SPRED2: variants seen among roughly 807,000 people sequenced by gnomAD.
SPRED2 encodes the protein sprouty-related, EVH1 domain-containing protein 2.
Under a neutral mutation model 43.0 loss-of-function variants are expected in SPRED2, and 47 were observed. That is an observed-to-expected ratio of 1.09 (90% confidence interval 0.87 to 1.40). The LOEUF is 1.40. SPRED2 is among the 40% of genes most tolerant of loss of function. SPRED2 has a pLI of 0.00. For missense variants in SPRED2, 561 were observed against 586.4 expected (o/e 0.96, Z 0.45); for synonymous variants, 225 against 225.7 (o/e 1.00, Z 0.03).
intron 1 of SPRED2, among the ~76,000 whole-genome samples, chr2:65,373,033 C>T (rs7583316): frequency 0.037 from 5,605 of 152,308 alleles, 384 homozygotes; most frequent in African/African-American, 0.13. Flanking sequence ...GATGCCTATA[C>T]AGCTGTGGAC....
chr2:65,391,941 A>T (rs1675645725), intron 1 of SPRED2, among the ~76,000 whole-genome samples: 2 of 152,166 alleles, frequency 1.3e-5, no homozygotes, highest in Non-Finnish European at 2.9e-5. Flanking sequence ...ATATTTATTT[A>T]GTCAACTATA....
At chr2:65,431,058 G>A (rs1230379914) in intron 1 of SPRED2, among the ~76,000 whole-genome samples, 1 of 152,072 alleles carries the variant, frequency 6.6e-6, no homozygotes. Flanking sequence ...GGACCGCGAG[G>A]CAGGAGGCAG....
chr2:65,398,842 A>G (rs1675815127), intron 1 of SPRED2, among the ~76,000 whole-genome samples: 1 of 151,644 alleles, frequency 6.6e-6, no homozygotes, highest in African/African-American at 2.4e-5. Flanking sequence ...CAGAACTGCC[A>G]TTTGGTCCAG....
intron 1 of SPRED2, among the ~76,000 whole-genome samples, chr2:65,367,451 T>C (rs1675007471): frequency 6.6e-6 from 1 of 152,068 alleles, no homozygotes; most frequent in African/African-American, 2.4e-5. Flanking sequence ...AAAATTTTCA[T>C]AATAAAATGT....
chr2:65,403,128 C>A (rs1052818212), intron 1 of SPRED2, among the ~76,000 whole-genome samples: 1 of 152,226 alleles, frequency 6.6e-6, no homozygotes. Flanking sequence ...GCTGAAACGT[C>A]CAAGCTCAGG....
At chr2:65,373,174 G>A (rs1363503864) in intron 1 of SPRED2, among the ~76,000 whole-genome samples, 3 of 152,212 alleles carry the variant, frequency 2.0e-5, no homozygotes, top group Admixed American at 2.0e-4. Context: ...GCCTAGCTTT[G>A]CCACTAGTTA....
chr2:65,422,913 G>A (rs13398873), intron 1 of SPRED2, among the ~76,000 whole-genome samples: 4,285 of 152,206 alleles, frequency 0.028, 213 homozygotes, highest in African/African-American at 0.098. Flanking sequence ...TTTGCTTTGC[G>A]AGTCTGAGCC....
chr2:65,383,100 A>T (rs1675411376), intron 1 of SPRED2, among the ~76,000 whole-genome samples: 1 of 152,254 alleles, frequency 6.6e-6, no homozygotes, highest in Non-Finnish European at 1.5e-5. Context: ...CTTACGTTTT[A>T]AAAATACCAC....
At chr2:65,371,525 C>T (rs1429616356) in intron 1 of SPRED2, among the ~76,000 whole-genome samples, 1 of 152,224 alleles carries the variant, frequency 6.6e-6, no homozygotes, top group Non-Finnish European at 1.5e-5. Context: ...GTCAAGGAGG[C>T]GGCGGAGGCA....
chr2:65,367,671 G>A (rs918654871), intron 1 of SPRED2, among the ~76,000 whole-genome samples: 1 of 152,124 alleles, frequency 6.6e-6, no homozygotes, highest in Non-Finnish European at 1.5e-5. Context: ...AACGCCTAGT[G>A]CCTTCTCCTC....
chr2:65,402,452 A>G (rs1572895866), intron 1 of SPRED2, among the ~76,000 whole-genome samples: 1 of 152,296 alleles, frequency 6.6e-6, no homozygotes, highest in East Asian at 1.9e-4. Context: ...GATGCCTGTT[A>G]GACAACCATA....
chr2:65,373,472 T>C lies in SPRED2; in HGVS notation c.27-28576A>G, dbSNP rs60599157. On this transcript the variant is annotated intron_variant, in intron 1 of 5. Transcript: ENST00000356388. ...AAGGATGTGGATCTTACCCCAAAGCTAGAACTCACTTTTCCTTACAAACAA... is the reference window on the plus strand; with the variant it reads ...AAGGATGTGGATCTTACCCCAAAGCCAGAACTCACTTTTCCTTACAAACAA... Among the ~76,000 whole-genome samples the C allele has an allele frequency of 1.8e-3, 279 of 152,288 alleles. 3 individuals are homozygous for C. The highest frequency in any genetic ancestry group is 6.5e-3 in the African/African-American group (272 of 41,568).
chr2:65,364,007 C>A (rs1420822260), intron 1 of SPRED2, among the ~76,000 whole-genome samples: 1 of 152,110 alleles, frequency 6.6e-6, no homozygotes, highest in Non-Finnish European at 1.5e-5. Context: ...AAACAAAAAT[C>A]TTTTTTCCAA....
At chr2:65,417,803 T>C (rs771219255) in intron 1 of SPRED2, among the ~76,000 whole-genome samples, 3 of 152,210 alleles carry the variant, frequency 2.0e-5, no homozygotes, top group Non-Finnish European at 2.9e-5. Flanking sequence ...AGATCCTCTC[T>C]AGTTCTAAAA....
chr2:65,309,743 G>C (rs144384537), downstream of SPRED2, among the ~76,000 whole-genome samples: 24 of 152,300 alleles, frequency 1.6e-4, no homozygotes, highest in African/African-American at 5.5e-4. Flanking sequence ...TTGGTGGTAT[G>C]CCCAGTTCCG....
intron 2 of SPRED2, among the ~76,000 whole-genome samples, chr2:65,335,097 T>C (rs866421954): frequency 1.3e-5 from 2 of 152,228 alleles, no homozygotes; most frequent in Non-Finnish European, 2.9e-5. Flanking sequence ...ACTGCTTTTA[T>C]GTTGGGGTTT....
At chr2:65,314,240 C>A (rs573155885) in intron 5 of SPRED2, 71 bp from the exon 6 acceptor site, 4 of 1,421,472 alleles carry the variant, frequency 2.8e-6, no homozygotes, top group Middle Eastern at 1.9e-4. Flanking sequence ...AAACACCCCA[C>A]CTTCTCCCTC....
chr2:65,394,647 T>A (rs746422476), intron 1 of SPRED2, among the ~76,000 whole-genome samples: 11 of 152,128 alleles, frequency 7.2e-5, no homozygotes, highest in Non-Finnish European at 1.3e-4. Context: ...GTCCCCTGTG[T>A]GTGCACCTCA....
intron 1 of SPRED2, among the ~76,000 whole-genome samples, chr2:65,400,733 C>T (rs1240663091): frequency 1.3e-5 from 2 of 152,050 alleles, no homozygotes; most frequent in African/African-American, 4.8e-5. Context: ...GGTCCTTTCA[C>T]GTCCTGTTTC....
Sources: allele counts gnomAD v4.1 joint callset (sites outside exome capture counted in the v4.1 genomes callset), GRCh38; gene constraint gnomAD v4.1.1; transcripts MANE v1.5; gene names NCBI Gene and HGNC (gene_info 2026-07-23, HGNC 2026-07-21).